The following SLIT2 variants were observed in gnomAD, a reference collection of about 807,000 sequenced individuals.
SLIT2 encodes slit homolog 2 protein.
A neutral mutation model predicts 185.7 loss-of-function variants in SLIT2; 41 were observed. The ratio of observed to expected loss-of-function variants is 0.22; its 90% CI spans 0.17 to 0.29. The LOEUF is 0.29. Ranked by LOEUF, SLIT2 falls within the 10% of genes least tolerant of loss-of-function variation. SLIT2 has a pLI of 1.00. For missense variants in SLIT2, 1,571 were observed against 1,909.0 expected (o/e 0.82, Z 3.30); for synonymous variants, 693 against 680.2 (o/e 1.02, Z -0.29).
chr4:20,611,808 G>C (rs1475641442), intron 34 of SLIT2, among the ~76,000 whole-genome samples: 1 of 152,164 alleles, frequency 6.6e-6, no homozygotes, highest in Non-Finnish European at 1.5e-5. Context: ...TGTAGTCCCT[G>C]AAGAGCAATC....
At chr4:20,458,546 C>A (rs182249407) in intron 4 of SLIT2, among the ~76,000 whole-genome samples, 1 of 152,178 alleles carries the variant, frequency 6.6e-6, no homozygotes, top group Non-Finnish European at 1.5e-5. Context: ...GCTCAGAAGT[C>A]TGTTTTTTAA....
At chr4:20,531,862 A>G (rs1163158327) in intron 16 of SLIT2, 122 bp from the exon 17 acceptor site, 1 of 592,906 alleles carries the variant, frequency 1.7e-6, no homozygotes, top group Non-Finnish European at 3.0e-6. Flanking sequence ...TCTGTGATTT[A>G]TGTATTTCCT....
rs987212554 is a variant in SLIT2, at chr4:20,313,618, G to A, written c.395+44737G>A. On this transcript the variant is annotated intron_variant, in intron 4 of 36. Transcript: ENST00000504154. ...CTTTACTGTTTGTATGTGTTAAAGCGGTGGTCCCCAACCTTTTTGGCACCA... is the reference window on the plus strand; with the variant it reads ...CTTTACTGTTTGTATGTGTTAAAGCAGTGGTCCCCAACCTTTTTGGCACCA... 2.6e-5 allele frequency among the ~76,000 whole-genome samples: 4 copies of A among 152,138 alleles called. No individual in the cohort carries two copies. In the East Asian group the frequency reaches 7.7e-4, roughly 29 times the overall value.
At chr4:20,328,486 G>A (rs963994211) in intron 4 of SLIT2, among the ~76,000 whole-genome samples, 1 of 151,860 alleles carries the variant, frequency 6.6e-6, no homozygotes, top group African/African-American at 2.4e-5. Context: ...GTTAGTTAAT[G>A]TACTCCATAT....
intron 16 of SLIT2, among the ~76,000 whole-genome samples, chr4:20,530,681 AT>A (rs571690998): frequency 3.3e-5 from 5 of 152,100 alleles, no homozygotes; most frequent in Non-Finnish European, 7.3e-5. Context: ...GAGATTTATA[AT>A]TTTTTTAATT....
intron 4 of SLIT2, among the ~76,000 whole-genome samples, chr4:20,309,913 C>T (rs1717932637): frequency 1.3e-5 from 2 of 151,948 alleles, no homozygotes; most frequent in Admixed American, 6.6e-5. Context: ...GCGCCCACCA[C>T]CACGCCTGGC....
chr4:20,515,421 T>A (rs1720109916), intron 11 of SLIT2, among the ~76,000 whole-genome samples: 1 of 152,200 alleles, frequency 6.6e-6, no homozygotes, highest in African/African-American at 2.4e-5. Flanking sequence ...CTATTTTAAT[T>A]CACTTACTCT....
At chr4:20,567,014 G>A (rs1725141745) in intron 26 of SLIT2, among the ~76,000 whole-genome samples, 1 of 151,918 alleles carries the variant, frequency 6.6e-6, no homozygotes, top group Admixed American at 6.6e-5. Context: ...ATTAACATCA[G>A]ATACCAACTC....
intron 3 of SLIT2, among the ~76,000 whole-genome samples, chr4:20,264,634 G>T (rs1712840253): frequency 6.6e-6 from 1 of 151,840 alleles, no homozygotes; most frequent in Non-Finnish European, 1.5e-5. Context: ...ATACGTTCAG[G>T]CTGCCCTTCA....
At chr4:20,459,760 T>C (rs1215143668) in intron 4 of SLIT2, among the ~76,000 whole-genome samples, 1 of 152,162 alleles carries the variant, frequency 6.6e-6, no homozygotes, top group African/African-American at 2.4e-5. Context: ...TCCCTGGTTA[T>C]GTCTATAATG....
Position 20,254,992 on chromosome 4 carries a change from C to A in SLIT2, c.179+998C>A. 4.4e-6 allele frequency: 2 copies of A among 456,322 alleles called. No individual in the cohort carries two copies. Among genetic ancestry groups the A allele is most frequent in the Non-Finnish European group, 8.8e-6 (2 of 226,976 alleles). 28.3% of individuals were successfully genotyped at this position (456,322 alleles called of 1,614,324 possible). A position where few individuals can be genotyped will look rare whatever the true frequency, so the allele number is the denominator to read the frequency against. ...CCCACGCGCTCCTGATGAGGCGCTT[C>A]CAGAGTTCAGCGAAGTGGAGCATGG... On this transcript the variant is annotated intron_variant, in intron 1 of 36. Transcript: ENST00000504154. The surrounding 1 kb of genome is among the most constrained non-coding windows in gnomAD (Gnocchi z 5.1).
intron 4 of SLIT2, among the ~76,000 whole-genome samples, chr4:20,336,944 G>A (rs1459950869): frequency 2.6e-5 from 4 of 152,112 alleles, no homozygotes; most frequent in African/African-American, 9.7e-5. Flanking sequence ...TAAAATTTTT[G>A]TTTGGATTTG....
At chr4:20,561,309 T>C (rs1171010130) in intron 26 of SLIT2, among the ~76,000 whole-genome samples, 1 of 151,856 alleles carries the variant, frequency 6.6e-6, no homozygotes, top group Non-Finnish European at 1.5e-5. Flanking sequence ...CCTCTAATTT[T>C]ATATGTTAGG....
Position 20,610,135 on chromosome 4 carries a change from C to A in SLIT2, c.3815C>A (p.Thr1272Asn), listed in dbSNP as rs527801258. 2 of 1,613,738 alleles carry A rather than the reference C, an allele frequency of 1.2e-6. No individual in the cohort carries two copies. Among genetic ancestry groups the A allele is most frequent in the South Asian group, 1.1e-5 (1 of 91,040 alleles). ...KIITNLSKQS[T>N]LNFDSPLYVG... The stretch of plus-strand genomic sequence containing the variant: ...ATCACTAACTTGTCAAAGCAGTCCA[C>A]TCTGAATTTTGACTCTCCACTCTAT... The change falls in exon 34 of 37, where the codon ACT becomes AAT. Residue 1272 changes from threonine (T) to asparagine (N), a missense_variant. Thr to Asn is a moderately conservative substitution (Grantham distance 65). Transcript: ENST00000504154.
At chr4:20,379,203 A>G (rs1020447080) in intron 4 of SLIT2, among the ~76,000 whole-genome samples, 2 of 152,152 alleles carry the variant, frequency 1.3e-5, no homozygotes, top group African/African-American at 2.4e-5. Flanking sequence ...ATCAGTTGTA[A>G]TAAAGATACT....
chr4:20,478,896 C>G (rs1340920213), intron 5 of SLIT2, among the ~76,000 whole-genome samples: 1 of 152,104 alleles, frequency 6.6e-6, no homozygotes, highest in African/African-American at 2.4e-5. Context: ...ATCAAAAGTG[C>G]TCAAGAATGT....
chr4:20,288,695 A>G (rs1207464312), intron 4 of SLIT2, among the ~76,000 whole-genome samples: 1 of 152,222 alleles, frequency 6.6e-6, no homozygotes, highest in Non-Finnish European at 1.5e-5. Context: ...CTTCAATAAT[A>G]AGGGAATTCA....
Position 20,306,055 on chromosome 4 carries a change from C to T in SLIT2, c.395+37174C>T, listed in dbSNP as rs1717517984. On this transcript the variant is annotated intron_variant, in intron 4 of 36. Transcript: ENST00000504154. The stretch of plus-strand genomic sequence containing the variant: ...GCTTCCAATTTGGTCAAGAAAGAAA[C>T]CCTAGAATCTTGATCCTTCTGGAAG... Among the ~76,000 whole-genome samples the T allele has an allele frequency of 2.0e-5, 3 of 151,852 alleles. No homozygotes were observed. In the South Asian group the frequency reaches 6.2e-4, roughly 32 times the overall value.
intron 4 of SLIT2, among the ~76,000 whole-genome samples, chr4:20,284,850 A>G (rs1414354301): frequency 1.3e-5 from 2 of 152,224 alleles, no homozygotes; most frequent in Non-Finnish European, 2.9e-5. Flanking sequence ...CAAAATTACT[A>G]CAAAGTTGAA....
Sources: allele counts gnomAD v4.1 joint callset (sites outside exome capture counted in the v4.1 genomes callset), GRCh38; gene constraint gnomAD v4.1.1; non-coding constraint Gnocchi (gnomAD v3.1); transcripts MANE v1.5; gene names NCBI Gene and HGNC (gene_info 2026-07-23, HGNC 2026-07-21).